The following EIF4E variants were observed in gnomAD, a reference collection of about 807,000 sequenced individuals.
EIF4E encodes the protein eIF-4F 25 kDa subunit.
For missense variants in EIF4E, 113 were observed against 265.6 expected, an observed-to-expected ratio of 0.43 and a Z score of 3.99; for synonymous variants, 71 against 88.5, an observed-to-expected ratio of 0.80 and a Z score of 1.11.
intron 1 of EIF4E, among the ~76,000 whole-genome samples, chr4:98,911,232 A>C (rs1167730465): frequency 6.6e-6 from 1 of 150,776 alleles, no homozygotes; most frequent in African/African-American, 2.4e-5. Flanking sequence ...TATTTTTAGT[A>C]CAGACAGGGG....
At chr4:98,907,552 G>A (rs1724925582) in intron 1 of EIF4E, among the ~76,000 whole-genome samples, 1 of 152,136 alleles carries the variant, frequency 6.6e-6, no homozygotes, top group Admixed American at 6.6e-5. Context: ...TATATATCAG[G>A]CTCTGACTTC....
intron 1 of EIF4E, among the ~76,000 whole-genome samples, chr4:98,919,706 G>A (rs956443264): frequency 3.3e-5 from 5 of 151,586 alleles, no homozygotes; most frequent in African/African-American, 9.7e-5. Flanking sequence ...CTACAGGCAC[G>A]TGCCACCACA....
chr4:98,887,957 G>T lies in EIF4E; in HGVS notation c.222-5C>A, dbSNP rs1560634925. ...AACTGGATATGGTTGTACAGACTAGGTAAAAGAAAATAACAATTAAAAACA... is the reference window on the plus strand; with the variant it reads ...AACTGGATATGGTTGTACAGACTAGTTAAAAGAAAATAACAATTAAAAACA... On this transcript the variant is annotated splice_polypyrimidine_tract_variant and splice_region_variant and intron_variant, in intron 3 of 6. Coordinates refer to ENST00000450253, the MANE Select transcript of EIF4E (RefSeq NM_001968.5). This position sits in a 1 kb window ranked among gnomAD's most constrained non-coding sequence, Gnocchi z 4.0. 1 of 1,610,344 alleles carries T rather than the reference G, an allele frequency of 6.2e-7. No homozygotes were observed. The highest frequency in any genetic ancestry group is 8.5e-7 in the Non-Finnish European group (1 of 1,178,064).
chr4:98,918,292 G>A (rs1725484028), intron 1 of EIF4E, among the ~76,000 whole-genome samples: 2 of 151,404 alleles, frequency 1.3e-5, no homozygotes, highest in Admixed American at 6.6e-5. Flanking sequence ...GAACCCAAGA[G>A]GCGGAGGTTG....
intron 1 of EIF4E, among the ~76,000 whole-genome samples, chr4:98,919,847 C>T (rs1444312734): frequency 6.6e-6 from 1 of 152,104 alleles, no homozygotes; most frequent in African/African-American, 2.4e-5. Flanking sequence ...GCGTGAGCCA[C>T]CATGCCCGGC....
chr4:98,888,072 T>G, intron 3 of EIF4E, 120 bp from the exon 4 acceptor site: 1 of 886,444 alleles, frequency 1.1e-6, no homozygotes. Context: ...CATGTTTACT[T>G]GTTTCTAAGG....
At chr4:98,891,871 C>T (rs1724155636) in intron 2 of EIF4E, among the ~76,000 whole-genome samples, 1 of 152,110 alleles carries the variant, frequency 6.6e-6, no homozygotes, top group African/African-American at 2.4e-5. Flanking sequence ...TGAGAGTTCT[C>T]CATTTCTTTC....
intron 2 of EIF4E, among the ~76,000 whole-genome samples, chr4:98,898,178 G>A (rs548919977): frequency 6.6e-6 from 1 of 152,240 alleles, no homozygotes; most frequent in Non-Finnish European, 1.5e-5. Flanking sequence ...ATTTTTAAAG[G>A]CTTTTAAAAA....
intron 2 of EIF4E, among the ~76,000 whole-genome samples, chr4:98,897,676 A>C (rs564100957): frequency 6.6e-6 from 1 of 152,302 alleles, no homozygotes; most frequent in South Asian, 2.1e-4. Context: ...CACTTCCACT[A>C]CTGTAAAACA....
intron 3 of EIF4E, chr4:98,890,885 T>C: frequency 3.7e-6 from 1 of 268,168 alleles, no homozygotes; most frequent in South Asian, 5.2e-5. Flanking sequence ...TTTGCAGAAA[T>C]GAGGACCCAA....
Position 98,929,121 on chromosome 4 carries a change from G to C in EIF4E, c.-9C>G. Reference sequence around the variant, plus strand: ...GGTTCGACAGTCGCCATCTTAGATCGATCTGATCGCACAACCGCTCCAGAA... The same window carrying C: ...GGTTCGACAGTCGCCATCTTAGATCCATCTGATCGCACAACCGCTCCAGAA... On this transcript the variant is annotated 5_prime_UTR_variant, in exon 1 of 7. It adds an upstream start codon to the 5' untranslated region. Coordinates refer to ENST00000450253, the MANE Select transcript of EIF4E (RefSeq NM_001968.5). 1 of 1,570,730 alleles carries C rather than the reference G, an allele frequency of 6.4e-7. No homozygotes were observed.
At chr4:98,902,658 G>T (rs1405909925) in intron 1 of EIF4E, among the ~76,000 whole-genome samples, 4 of 151,854 alleles carry the variant, frequency 2.6e-5, no homozygotes, top group Non-Finnish European at 4.4e-5. Context: ...TACTGAAGGG[G>T]GTATCAGGAA....
At chr4:98,926,256 T>G (rs982481598) in intron 1 of EIF4E, 2 of 151,550 alleles carry the variant, frequency 1.3e-5, no homozygotes, top group African/African-American at 4.8e-5. Context: ...TACTAAAAAT[T>G]TTCAGGCCAG....
At chr4:98,896,214 A>AAAATG (rs1364754832) in intron 2 of EIF4E, among the ~76,000 whole-genome samples, 1 of 151,736 alleles carries the variant, frequency 6.6e-6, no homozygotes, top group African/African-American at 2.4e-5. Flanking sequence ...AAAATAAAAT[A>AAAATG]AAATAAAATA....
intron 1 of EIF4E, among the ~76,000 whole-genome samples, chr4:98,919,159 T>C (rs955610372): frequency 6.6e-6 from 1 of 151,628 alleles, no homozygotes; most frequent in African/African-American, 2.4e-5. Flanking sequence ...ACACAAAAAT[T>C]AGTTGGCAGT....
At chr4:98,904,418 T>C (rs1393941802) in intron 1 of EIF4E, among the ~76,000 whole-genome samples, 1 of 149,632 alleles carries the variant, frequency 6.7e-6, no homozygotes, top group African/African-American at 2.5e-5. Context: ...TAAAGTGTTA[T>C]TTTGAATTAA....
rs774614178 is a variant in EIF4E, at chr4:98,887,496, A to G, written c.286-304T>C. Among the ~76,000 whole-genome samples the G allele has an allele frequency of 1.3e-5, 2 of 152,224 alleles. No homozygotes were observed. The highest frequency in any genetic ancestry group is 2.9e-5 in the Non-Finnish European group (2 of 68,044). On this transcript the variant is annotated intron_variant, in intron 4 of 6. Transcript: ENST00000450253. The surrounding 1 kb of genome is among the most constrained non-coding windows in gnomAD (Gnocchi z 4.0). Reference sequence around the variant, plus strand: ...CTCTGTACATTTCTACAGCTAGAAAATACATGCAAAAACTATGCAATTTCA... The same window carrying G: ...CTCTGTACATTTCTACAGCTAGAAAGTACATGCAAAAACTATGCAATTTCA...
chr4:98,882,602 G>A (rs912018828), intron 6 of EIF4E, among the ~76,000 whole-genome samples: 1 of 151,548 alleles, frequency 6.6e-6, no homozygotes, highest in African/African-American at 2.4e-5. Context: ...TAATTTTATG[G>A]TAACTAAAGT....
intron 1 of EIF4E, among the ~76,000 whole-genome samples, chr4:98,912,060 A>G (rs1213914275): frequency 6.6e-6 from 1 of 151,640 alleles, no homozygotes; most frequent in Non-Finnish European, 1.5e-5. Context: ...CAAGACCCAC[A>G]TGACTAACAT....
Sources: allele counts gnomAD v4.1 joint callset (sites outside exome capture counted in the v4.1 genomes callset), GRCh38; gene constraint gnomAD v4.1.1; non-coding constraint Gnocchi (gnomAD v3.1); transcripts MANE v1.5; gene names NCBI Gene and HGNC (gene_info 2026-07-23, HGNC 2026-07-21).